The following NFIA variants were observed in gnomAD, a reference collection of about 807,000 sequenced individuals.
NFIA encodes the protein nuclear factor I A.
NFIA carries 8 observed loss-of-function variants against 62.8 expected under a neutral mutation model. The observed-to-expected ratio is 0.13, with a 90% CI of 0.07 to 0.23. The LOEUF (loss-of-function observed/expected upper bound fraction) is 0.23, where lower values mean the gene tolerates loss of function less well. Among genes scored for constraint, NFIA ranks in the 10% least tolerant of loss-of-function variants. The pLI, the probability that NFIA is intolerant of heterozygous loss-of-function variation, is 1.00. For synonymous variants in NFIA, 235 were observed against 238.1 expected, an observed-to-expected ratio of 0.99 and a Z score of 0.12; for missense variants, 410 against 642.1, an observed-to-expected ratio of 0.64 and a Z score of 3.91.
intron 2 of NFIA, among the ~76,000 whole-genome samples, chr1:61,145,470 T>A (rs1303594195): frequency 6.6e-6 from 1 of 152,232 alleles, no homozygotes; most frequent in Non-Finnish European, 1.5e-5. Flanking sequence ...CTCCAGATGT[T>A]CATTAATTCA....
chr1:61,141,545 GT>G (rs1647535705), intron 2 of NFIA, among the ~76,000 whole-genome samples: 1 of 152,182 alleles, frequency 6.6e-6, no homozygotes, highest in Non-Finnish European at 1.5e-5. Flanking sequence ...TTTCTAAAGA[GT>G]TTTGAGCTAT....
chr1:61,331,726 C>A (rs1412535728), intron 3 of NFIA, among the ~76,000 whole-genome samples: 2 of 151,880 alleles, frequency 1.3e-5, no homozygotes, highest in East Asian at 3.9e-4. Flanking sequence ...TTATGTGTTC[C>A]TTGTCATTTA....
At chr1:61,351,444 T>A (rs1260779215) in intron 4 of NFIA, among the ~76,000 whole-genome samples, 5 of 152,210 alleles carry the variant, frequency 3.3e-5, no homozygotes, top group African/African-American at 4.8e-5. Context: ...TATTCCAGTA[T>A]CAAATCATGT....
intron 2 of NFIA, among the ~76,000 whole-genome samples, chr1:61,216,608 A>G (rs991527270): frequency 6.6e-6 from 1 of 152,188 alleles, no homozygotes; most frequent in Admixed American, 6.5e-5. Flanking sequence ...TCTGAGACAC[A>G]TGTTTGAAAT....
rs182290054 is a variant in NFIA at position 61,281,875 on chromosome 1, T to C, written c.625+4290T>C. On this transcript the variant is annotated intron_variant, in intron 3 of 10. Transcript: ENST00000403491. ...TGCCTTGAACTTAATGGGTACCTAG[T>C]ACTTATTTGCTTAATGAATAAAATT... 1.4e-3 allele frequency among the ~76,000 whole-genome samples: 214 copies of C among 152,390 alleles called. 2 individuals carry two copies. The highest frequency in any genetic ancestry group is 2.4e-3 in the Admixed American group (37 of 15,310).
At chr1:61,370,537 A>G (rs1211574160) in intron 6 of NFIA, among the ~76,000 whole-genome samples, 2 of 152,218 alleles carry the variant, frequency 1.3e-5, no homozygotes, top group Non-Finnish European at 2.9e-5. Context: ...AAATATTAAT[A>G]CAATTAATTG....
intron 2 of NFIA, among the ~76,000 whole-genome samples, chr1:61,252,330 G>A (rs1158125773): frequency 2.0e-5 from 3 of 152,224 alleles, no homozygotes; most frequent in East Asian, 1.9e-4. Flanking sequence ...TGCTTACCAC[G>A]TCAGTTGTGT....
intron 2 of NFIA, among the ~76,000 whole-genome samples, chr1:61,165,357 A>G (rs1649499207): frequency 6.6e-6 from 1 of 152,192 alleles, no homozygotes; most frequent in African/African-American, 2.4e-5. Context: ...ACACTGGGAA[A>G]TTCTTGCAAA....
intron 7 of NFIA, among the ~76,000 whole-genome samples, chr1:61,399,218 A>G (rs1442494534): frequency 6.6e-6 from 1 of 152,206 alleles, no homozygotes; most frequent in East Asian, 1.9e-4. Flanking sequence ...CTGCCTTTGT[A>G]TTCATTAACA....
intron 2 of NFIA, among the ~76,000 whole-genome samples, chr1:61,180,630 A>G (rs1444234082): frequency 6.6e-6 from 1 of 152,194 alleles, no homozygotes. Context: ...AAAGGCTCCA[A>G]GTGTGCTTTC....
At chr1:61,085,679 A>G (rs1344186696) in intron 1 of NFIA, among the ~76,000 whole-genome samples, 1 of 152,166 alleles carries the variant, frequency 6.6e-6, no homozygotes, top group East Asian at 1.9e-4. Context: ...TGAGAAAGAT[A>G]CATTAGAAAA....
At chr1:61,196,187 A>G (rs923693511) in intron 2 of NFIA, among the ~76,000 whole-genome samples, 1 of 152,216 alleles carries the variant, frequency 6.6e-6, no homozygotes, top group African/African-American at 2.4e-5. Flanking sequence ...TGAGAAAATT[A>G]TAGCTTTAGT....
chr1:61,340,254 T>A (rs76898602), intron 4 of NFIA, among the ~76,000 whole-genome samples: 3,137 of 152,364 alleles, frequency 0.021, 40 homozygotes, highest in Non-Finnish European at 0.034. Context: ...TCTATTCGTA[T>A]GTTCATCTAT....
chr1:61,186,774 T>C (rs1234978226), intron 2 of NFIA, among the ~76,000 whole-genome samples: 1 of 152,218 alleles, frequency 6.6e-6, no homozygotes, highest in African/African-American at 2.4e-5. Flanking sequence ...GTTTTACATA[T>C]ATTCTCTCAT....
chr1:61,408,562 T>C (rs994808211), intron 9 of NFIA, among the ~76,000 whole-genome samples: 3 of 152,222 alleles, frequency 2.0e-5, no homozygotes, highest in African/African-American at 7.2e-5. Flanking sequence ...CCACAGTCTT[T>C]TAAAAGCTGC....
At chr1:61,275,449 A>G (rs1314459475) in intron 2 of NFIA, among the ~76,000 whole-genome samples, 7 of 152,374 alleles carry the variant, frequency 4.6e-5, no homozygotes, top group Middle Eastern at 3.4e-3. Flanking sequence ...ATGGATAAAT[A>G]TCGGAAAAGT....
chr1:61,112,750 G>A (rs75976141), intron 2 of NFIA, among the ~76,000 whole-genome samples: 303 of 152,230 alleles, frequency 2.0e-3, no homozygotes, highest in African/African-American at 7.1e-3. Context: ...TGCATACAAT[G>A]GATTAATGAC....
chr1:61,458,201 A>T lies in NFIA; in HGVS notation c.*2881A>T, dbSNP rs1346288001. On this transcript the variant is annotated 3_prime_UTR_variant, in exon 11 of 11. Coordinates refer to ENST00000403491, the MANE Select transcript of NFIA (RefSeq NM_001134673.4). ...ATATGTGCACTAAAAAATGAAAAAA[A>T]GGAAAAAAAGAAAAAAAAAAAGAAA... The T allele has an allele frequency of 6.9e-6, 1 of 145,166 alleles. No homozygotes were observed. The highest frequency in any genetic ancestry group is 2.8e-5 in the African/African-American group (1 of 35,934). The allele number at this position is 145,166 out of a possible 1,614,324, so 9.0% of individuals were successfully genotyped here.
At chr1:61,358,839 AC>A (rs1178259265) in intron 5 of NFIA, among the ~76,000 whole-genome samples, 1 of 56,684 alleles carries the variant, frequency 1.8e-5, no homozygotes, top group Non-Finnish European at 4.1e-5. Context: ...TACTCCCAAC[AC>A]TTCCAGGTGG....
Sources: gnomAD v4.1 joint callset for allele counts (sites outside exome capture counted in the v4.1 genomes callset) on GRCh38, gnomAD v4.1.1 for gene constraint, MANE v1.5 for transcripts, NCBI Gene and HGNC (gene_info 2026-07-23, HGNC 2026-07-21) for gene names.